BTBD9: variants seen among roughly 807,000 people sequenced by gnomAD.
BTBD9 encodes the protein BTB/POZ domain-containing protein 9.
BTBD9 carries 49 observed loss-of-function variants against 64.3 expected under a neutral mutation model. The ratio of observed to expected loss-of-function variants is 0.76; its 90% confidence interval spans 0.61 to 0.97. The LOEUF (loss-of-function observed/expected upper bound fraction) is 0.97, where lower values mean the gene tolerates loss of function less well. BTBD9 is among the 50% of genes least tolerant of loss of function. BTBD9 has a pLI of 0.00. For missense variants in BTBD9, 598 were observed against 762.1 expected, an observed-to-expected ratio of 0.78 and a Z score of 2.53; for synonymous variants, 260 against 274.7, an observed-to-expected ratio of 0.95 and a Z score of 0.53.
At chr6:38,561,310 G>A (rs1775252044) in intron 6 of BTBD9, among the ~76,000 whole-genome samples, 2 of 147,214 alleles carry the variant, frequency 1.4e-5, no homozygotes, top group South Asian at 4.2e-4. Context: ...AGATGCTGGA[G>A]AGGCTGCGGA....
At chr6:38,421,097 C>T (rs1767884916) in intron 6 of BTBD9, among the ~76,000 whole-genome samples, 1 of 147,702 alleles carries the variant, frequency 6.8e-6, no homozygotes, top group African/African-American at 2.5e-5. Context: ...TGGCTCACGT[C>T]TGTAATCCCA....
intron 7 of BTBD9, among the ~76,000 whole-genome samples, chr6:38,311,993 C>G (rs765160224): frequency 6.6e-6 from 1 of 152,136 alleles, no homozygotes; most frequent in Non-Finnish European, 1.5e-5. Flanking sequence ...TCCTGAGTAG[C>G]TGGGACTACA....
chr6:38,465,923 C>A (rs1770366267), intron 6 of BTBD9, among the ~76,000 whole-genome samples: 1 of 146,618 alleles, frequency 6.8e-6, no homozygotes, highest in Non-Finnish European at 1.5e-5. Context: ...TTCAACCTCC[C>A]AGGCTCAAGC....
intron 9 of BTBD9, among the ~76,000 whole-genome samples, chr6:38,247,250 A>G (rs532780677): frequency 3.3e-5 from 5 of 152,150 alleles, no homozygotes; most frequent in African/African-American, 4.8e-5. Context: ...TACTGAGGCT[A>G]TAACTCTCCA....
chr6:38,486,475 T>A (rs1057226778), intron 6 of BTBD9, among the ~76,000 whole-genome samples: 1 of 152,190 alleles, frequency 6.6e-6, no homozygotes, highest in African/African-American at 2.4e-5. Flanking sequence ...ACTTCAACAC[T>A]TAAAGAGACT....
chr6:38,417,184 C>T (rs761486597), intron 6 of BTBD9, among the ~76,000 whole-genome samples: 41 of 152,110 alleles, frequency 2.7e-4, no homozygotes, highest in Admixed American at 5.2e-4. Context: ...CTTTTGGCCT[C>T]AAGGGATCCT....
chr6:38,408,893 G>A (rs1228691067), intron 6 of BTBD9, among the ~76,000 whole-genome samples: 1 of 152,144 alleles, frequency 6.6e-6, no homozygotes, highest in Non-Finnish European at 1.5e-5. Flanking sequence ...AAAGGAAAAT[G>A]ATACGAAATT....
intron 7 of BTBD9, among the ~76,000 whole-genome samples, chr6:38,323,332 C>T (rs1359347712): frequency 6.6e-6 from 1 of 152,128 alleles, no homozygotes; most frequent in African/African-American, 2.4e-5. Context: ...TGTCTTTAGG[C>T]TCAAAGAACT....
intron 6 of BTBD9, among the ~76,000 whole-genome samples, chr6:38,443,772 C>G (rs796816088): frequency 6.6e-5 from 10 of 152,170 alleles, no homozygotes; most frequent in African/African-American, 2.4e-4. Context: ...GTTGCTACGA[C>G]CTTAGCCTCC....
intron 7 of BTBD9, among the ~76,000 whole-genome samples, chr6:38,298,852 A>ATTTT (rs1762264541): frequency 7.6e-6 from 1 of 131,064 alleles, no homozygotes; most frequent in Admixed American, 8.0e-5. Flanking sequence ...AAAGTATTTC[A>ATTTT]TTCTTTTTTT....
intron 8 of BTBD9, among the ~76,000 whole-genome samples, chr6:38,279,258 G>A (rs746275351): frequency 2.0e-5 from 3 of 152,102 alleles, no homozygotes; most frequent in Non-Finnish European, 2.9e-5. Flanking sequence ...GGTTACCAAT[G>A]TAAGGGGCTA....
At chr6:38,345,978 C>T (rs1764261956) in intron 6 of BTBD9, among the ~76,000 whole-genome samples, 1 of 152,200 alleles carries the variant, frequency 6.6e-6, no homozygotes, top group Non-Finnish European at 1.5e-5. Flanking sequence ...GGATGTGCCA[C>T]ACACCGTCTT....
At chr6:38,386,761 G>A (rs190163253) in intron 6 of BTBD9, among the ~76,000 whole-genome samples, 212 of 148,116 alleles carry the variant, frequency 1.4e-3, no homozygotes, top group Middle Eastern at 0.014. Context: ...TCCCACCTCC[G>A]CCTCCCAAGT....
intron 6 of BTBD9, among the ~76,000 whole-genome samples, chr6:38,519,387 T>C (rs970645117): frequency 5.9e-5 from 9 of 152,232 alleles, no homozygotes; most frequent in Non-Finnish European, 1.0e-4. Context: ...GGAGAAAGTA[T>C]ACTGATAGCT....
In BTBD9 at chr6:38,506,334, A is replaced by T. The variant is rs573563644; in HGVS notation, c.1154+71266T>A. 2.2e-4 allele frequency among the ~76,000 whole-genome samples: 33 copies of T among 152,314 alleles called. 1 individual carries two copies. Among genetic ancestry groups the T allele is most frequent in the Non-Finnish European group, 4.1e-4 (28 of 68,028 alleles). ...GTTCAGAATACTTACATTAGCCTAC[A>T]GTTGGGCAAAATCATCTAACACAAA... is the stretch of plus-strand genomic sequence containing the variant. On this transcript the variant is annotated intron_variant, in intron 6 of 10. Coordinates refer to ENST00000481247, the MANE Select transcript of BTBD9 (RefSeq NM_001099272.2).
In BTBD9 at chr6:38,232,428, G is replaced by A. The variant is rs532872636; in HGVS notation, c.1562+23981C>T. Among the ~76,000 whole-genome samples, 224 of 151,910 alleles carry A rather than the reference G, an allele frequency of 1.5e-3. 1 individual carries two copies. Among genetic ancestry groups the A allele is most frequent in the African/African-American group, 4.7e-3 (196 of 41,440 alleles). Reference sequence around the variant, plus strand: ...TGGGACTATAGGCGGCTGCCACCACGCCCGGCTAATTTTTTGTATTTTTAG... The same window carrying A: ...TGGGACTATAGGCGGCTGCCACCACACCCGGCTAATTTTTTGTATTTTTAG... On this transcript the variant is annotated intron_variant, in intron 9 of 10. Coordinates refer to ENST00000481247, the MANE Select transcript of BTBD9 (RefSeq NM_001099272.2).
At chr6:38,514,885 C>T (rs900170331) in intron 6 of BTBD9, among the ~76,000 whole-genome samples, 2 of 152,194 alleles carry the variant, frequency 1.3e-5, no homozygotes, top group Non-Finnish European at 2.9e-5. Context: ...AGAATTTTTA[C>T]AAGTGACCTC....
At chr6:38,624,503 C>T (rs369549405) in intron 1 of BTBD9, among the ~76,000 whole-genome samples, 7 of 151,858 alleles carry the variant, frequency 4.6e-5, no homozygotes, top group African/African-American at 1.7e-4. Flanking sequence ...TTGCTTGAGC[C>T]CAAGAGTTTG....
At chr6:38,187,948 C>T (rs1055353165) in intron 10 of BTBD9, among the ~76,000 whole-genome samples, 14 of 152,138 alleles carry the variant, frequency 9.2e-5, no homozygotes, top group Admixed American at 1.3e-4. Context: ...CTGCCGAGGC[C>T]ACTGTCACCT....
Sources: allele counts gnomAD v4.1 joint callset (sites outside exome capture counted in the v4.1 genomes callset), GRCh38; gene constraint gnomAD v4.1.1; transcripts MANE v1.5; gene names NCBI Gene and HGNC (gene_info 2026-07-23, HGNC 2026-07-21).